Variants in NRG3 observed in about 807,000 individuals in gnomAD.
NRG3 encodes pro-neuregulin-3, membrane-bound isoform.
Under a neutral mutation model 66.9 loss-of-function variants are expected in NRG3, and 31 were observed. The observed-to-expected ratio is 0.46, with a 90% CI of 0.35 to 0.63. The LOEUF is 0.63. NRG3 is among the 20% of genes least tolerant of loss of function. The pLI is 0.00. For synonymous variants in NRG3, 393 were observed against 359.4 expected, an observed-to-expected ratio of 1.09 and a Z score of -1.06; for missense variants, 910 against 878.9, an observed-to-expected ratio of 1.04 and a Z score of -0.45.
At chr10:82,296,260 C>T (rs1006508839) in intron 1 of NRG3, among the ~76,000 whole-genome samples, 4 of 152,156 alleles carry the variant, frequency 2.6e-5, no homozygotes, top group East Asian at 1.9e-4. Flanking sequence ...TGTTTAAACT[C>T]GTCCCAAAGG....
intron 2 of NRG3, among the ~76,000 whole-genome samples, chr10:82,495,249 C>T (rs963659923): frequency 6.6e-6 from 1 of 152,104 alleles, no homozygotes; most frequent in Non-Finnish European, 1.5e-5. Flanking sequence ...CCTGCTCTTT[C>T]TTAATCATAG....
At chr10:82,328,526 C>T (rs954955818) in intron 1 of NRG3, among the ~76,000 whole-genome samples, 10 of 152,278 alleles carry the variant, frequency 6.6e-5, no homozygotes, top group South Asian at 6.2e-4. Context: ...CTCTCCAATT[C>T]ATGAATCTAG....
intron 1 of NRG3, among the ~76,000 whole-genome samples, chr10:82,132,107 T>C (rs980983363): frequency 1.3e-5 from 2 of 152,072 alleles, no homozygotes; most frequent in African/African-American, 4.8e-5. Context: ...ATTCTTATCT[T>C]GTACCAGCTC....
intron 3 of NRG3, among the ~76,000 whole-genome samples, chr10:82,826,446 G>A (rs368697293): frequency 5.3e-5 from 8 of 152,194 alleles, no homozygotes; most frequent in African/African-American, 1.9e-4. Flanking sequence ...AGGAATAAAA[G>A]GCATGTAGCT....
chr10:82,659,484 A>T (rs948811261), intron 2 of NRG3, among the ~76,000 whole-genome samples: 4 of 152,148 alleles, frequency 2.6e-5, no homozygotes, highest in African/African-American at 7.2e-5. Flanking sequence ...TCTATTAAAA[A>T]TACAAAAAAT....
At chr10:82,812,120 A>G (rs1763060) in intron 3 of NRG3, among the ~76,000 whole-genome samples, 109,759 of 152,010 alleles carry the variant, frequency 0.72, 40,050 homozygotes, top group African/African-American at 0.82. Context: ...AAATGTTAAT[A>G]TGTATATAAT....
intron 1 of NRG3, among the ~76,000 whole-genome samples, chr10:81,976,668 C>T (rs1564705597): frequency 2.0e-5 from 3 of 152,120 alleles, no homozygotes; most frequent in Admixed American, 6.6e-5. Context: ...TAAACTGTCA[C>T]CCAAATGAAG....
rs1251438445 is a variant in NRG3 at position 82,046,287 on chromosome 10, C to G, written c.823+170124C>G. ...TCTCCTTGAAGAGGTCCTTCATGTCCCTTGTAAATTGGATTCCTAGGTATT... is the reference window on the plus strand; with the variant it reads ...TCTCCTTGAAGAGGTCCTTCATGTCGCTTGTAAATTGGATTCCTAGGTATT... On this transcript the variant is annotated intron_variant, in intron 1 of 8. Transcript: ENST00000372141. 2.1e-4 allele frequency among the ~76,000 whole-genome samples: 14 copies of G among 65,460 alleles called. 2 individuals are homozygous for G. The highest frequency in any genetic ancestry group is 4.6e-4 in the African/African-American group (12 of 25,854). 42.9% of individuals were successfully genotyped at this position (65,460 alleles called of 152,430 possible).
At chr10:81,970,920 G>A (rs1200547001) in intron 1 of NRG3, among the ~76,000 whole-genome samples, 1 of 152,118 alleles carries the variant, frequency 6.6e-6, no homozygotes, top group Non-Finnish European at 1.5e-5. Flanking sequence ...CGGCTGGATT[G>A]CCTGATATCA....
intron 1 of NRG3, among the ~76,000 whole-genome samples, chr10:82,212,448 CA>C (rs2133649354): frequency 6.6e-6 from 1 of 152,324 alleles, no homozygotes; most frequent in South Asian, 2.1e-4. Flanking sequence ...CAGTGTTTTA[CA>C]ATTTACAAAG....
chr10:82,319,501 G>T (rs1316873742), intron 1 of NRG3, among the ~76,000 whole-genome samples: 1 of 152,122 alleles, frequency 6.6e-6, no homozygotes, highest in African/African-American at 2.4e-5. Flanking sequence ...ATTGTCCCTG[G>T]CATGGTGTTG....
At chr10:82,738,474 G>A (rs1160157998) in intron 2 of NRG3, 103 bp from the exon 3 acceptor site, 27 of 882,882 alleles carry the variant, frequency 3.1e-5, no homozygotes, top group South Asian at 6.7e-5. Flanking sequence ...AAGCATGAAT[G>A]TACTGTTCTC....
intron 2 of NRG3, among the ~76,000 whole-genome samples, chr10:82,719,662 T>A (rs2057179851): frequency 6.6e-6 from 1 of 152,206 alleles, no homozygotes; most frequent in Non-Finnish European, 1.5e-5. Context: ...CCATTGGTTT[T>A]ACTTTAGTCT....
At position 81,976,130 on chromosome 10, in the gene NRG3, C is replaced by T. The variant is rs535594478; in HGVS notation, c.823+99967C>T. ...ATTTACCACTAAGTTTATGTTAATC[C>T]CTTACATTAGTAATAGTAAACTAAT... is the stretch of plus-strand genomic sequence containing the variant. On this transcript the variant is annotated intron_variant, in intron 1 of 8. Coordinates refer to ENST00000372141, the MANE Select transcript of NRG3 (RefSeq NM_001010848.4). Among the ~76,000 whole-genome samples the T allele has an allele frequency of 3.3e-5, 5 of 152,162 alleles. No individual in the cohort carries two copies. In the South Asian group the frequency reaches 1.0e-3, roughly 32 times the overall value.
chr10:82,479,995 C>G (rs758514962), intron 2 of NRG3, among the ~76,000 whole-genome samples: 8 of 151,974 alleles, frequency 5.3e-5, no homozygotes, highest in Non-Finnish European at 1.0e-4. Context: ...CAAAAACAAA[C>G]AAAAAAACCT....
At chr10:82,923,411 CTTA>C (rs891510261) in intron 4 of NRG3, among the ~76,000 whole-genome samples, 12 of 152,194 alleles carry the variant, frequency 7.9e-5, no homozygotes, top group Admixed American at 3.3e-4. Flanking sequence ...GGATTATGTA[CTTA>C]TTATAGGTTC....
intron 1 of NRG3, chr10:81,878,019 C>T (rs1884282): frequency 1.3e-6 from 2 of 1,537,436 alleles, no homozygotes; most frequent in Non-Finnish European, 1.7e-6. Context: ...GGACTACACA[C>T]GGTAGGGGTA....
chr10:82,101,027 A>G (rs1319760407), intron 1 of NRG3, among the ~76,000 whole-genome samples: 1 of 152,032 alleles, frequency 6.6e-6, no homozygotes, highest in African/African-American at 2.4e-5. Context: ...TAGTAGATAT[A>G]GAACTCTTCA....
chr10:81,907,089 T>C (rs1278786763), intron 1 of NRG3, among the ~76,000 whole-genome samples: 1 of 152,132 alleles, frequency 6.6e-6, no homozygotes, highest in Non-Finnish European at 1.5e-5. Flanking sequence ...TATGTGATCT[T>C]AGGAAAAATA....
Sources: allele counts gnomAD v4.1 joint callset (sites outside exome capture counted in the v4.1 genomes callset), GRCh38; gene constraint gnomAD v4.1.1; transcripts MANE v1.5; gene names NCBI Gene and HGNC (gene_info 2026-07-23, HGNC 2026-07-21).